CCDC171: variants seen among roughly 807,000 people sequenced by gnomAD.
CCDC171 encodes the protein coiled-coil domain containing 171.
A neutral mutation model predicts 168.2 loss-of-function variants in CCDC171; 177 were observed. That is an observed-to-expected ratio of 1.05 (90% CI 0.93 to 1.19). The LOEUF is 1.19. CCDC171 is among the 50% of genes most tolerant of loss of function. The pLI, the probability that CCDC171 is intolerant of heterozygous loss-of-function variation, is 0.00. For synonymous variants in CCDC171, 687 were observed against 540.8 expected (o/e 1.27, Z -3.75); for missense variants, 1,991 against 1,539.0 (o/e 1.29, Z -4.91).
chr9:15,597,615 T>C (rs993767788), intron 6 of CCDC171, among the ~76,000 whole-genome samples: 1 of 152,188 alleles, frequency 6.6e-6, no homozygotes, highest in Admixed American at 6.5e-5. Context: ...TCTTTTTTTG[T>C]TGTGTCTCTG....
At chr9:15,837,301 G>T (rs74489256) in intron 21 of CCDC171, among the ~76,000 whole-genome samples, 2,384 of 152,240 alleles carry the variant, frequency 0.016, 77 homozygotes, top group African/African-American at 0.054. Context: ...TAGAAGGTTA[G>T]AACAACTATG....
At chr9:16,084,826 G>A in the CCDC171 span, among the ~76,000 whole-genome samples, 220 of 152,250 alleles carry the variant, frequency 1.4e-3, 2 homozygotes, top group African/African-American at 4.4e-3. Flanking sequence ...CCAGAAGGCC[G>A]GTGAGGTAAG....
chr9:15,646,422 G>A (rs1332301913), intron 7 of CCDC171, among the ~76,000 whole-genome samples: 1 of 152,150 alleles, frequency 6.6e-6, no homozygotes, highest in Non-Finnish European at 1.5e-5. Flanking sequence ...AAATGTAAAT[G>A]GGCTAAATGC....
rs532354159 is a variant in CCDC171 at position 15,813,930 on chromosome 9, A to G, written c.3267+29236A>G. On this transcript the variant is annotated intron_variant, in intron 21 of 25. Transcript: ENST00000380701. ...ATAGGATCACTTTGTATTTGCATAT[A>G]AGGTGAAATAAGAAGAGGTCAGGAT... Among the ~76,000 whole-genome samples the G allele has an allele frequency of 2.6e-5, 4 of 152,298 alleles. No homozygotes were observed. In the South Asian group the frequency reaches 6.2e-4, roughly 24 times the overall value.
At chr9:15,743,651 G>C (rs964395632) in intron 16 of CCDC171, among the ~76,000 whole-genome samples, 1 of 152,184 alleles carries the variant, frequency 6.6e-6, no homozygotes, top group Admixed American at 6.5e-5. Context: ...GGGCTGCTGA[G>C]GCCCAGCTCA....
At chr9:16,003,658 G>A (rs1040350058) in intron 3 of CCDC171, among the ~76,000 whole-genome samples, 2 of 152,164 alleles carry the variant, frequency 1.3e-5, no homozygotes, top group South Asian at 4.1e-4. Context: ...CTTTTTCCGT[G>A]TCATTATTTG....
chr9:15,557,029 T>A (rs928775200), intron 1 of CCDC171, among the ~76,000 whole-genome samples: 9 of 152,174 alleles, frequency 5.9e-5, no homozygotes, highest in African/African-American at 2.2e-4. Context: ...TTTGTCAGGT[T>A]TGTCAAAGAT....
chr9:15,695,402 A>C, intron 11 of CCDC171, 65 bp downstream of exon 11: 1 of 1,174,868 alleles, frequency 8.5e-7, no homozygotes, highest in Non-Finnish European at 1.3e-6. Flanking sequence ...CATTTTGGGA[A>C]TTCTGCAGAT....
rs571430343 is a variant in CCDC171, at chr9:15,729,231, A to G, written c.1861-379A>G. On this transcript the variant is annotated intron_variant, in intron 15 of 25. Transcript: ENST00000380701. Reference sequence around the variant, plus strand: ...TAGAACATTCTGCTTTATTTCATGTAAACTGTTTGCAGATTTTTAAATCTT... The same window carrying G: ...TAGAACATTCTGCTTTATTTCATGTGAACTGTTTGCAGATTTTTAAATCTT... 2.0e-5 allele frequency among the ~76,000 whole-genome samples: 3 copies of G among 152,264 alleles called. No homozygotes were observed. The East Asian group carries it at 5.8e-4, about 29-fold the overall frequency.
At chr9:15,818,571 C>A (rs1255863467) in intron 21 of CCDC171, among the ~76,000 whole-genome samples, 1 of 117,718 alleles carries the variant, frequency 8.5e-6, no homozygotes, top group African/African-American at 3.2e-5. Flanking sequence ...GTAGCTGATT[C>A]GATCAACTAG....
At chr9:15,799,899 T>G (rs2058737734) in intron 21 of CCDC171, among the ~76,000 whole-genome samples, 1 of 152,180 alleles carries the variant, frequency 6.6e-6, no homozygotes, top group South Asian at 2.1e-4. Context: ...CCTGGCTTAT[T>G]TCACTTAACA....
intron 11 of CCDC171, among the ~76,000 whole-genome samples, chr9:15,701,313 G>T (rs531226012): frequency 1.3e-5 from 2 of 152,182 alleles, no homozygotes; most frequent in Admixed American, 1.3e-4. Context: ...TAAAATCTTT[G>T]CCTAGATCAG....
At chr9:15,793,878 A>G (rs992286255) in intron 21 of CCDC171, among the ~76,000 whole-genome samples, 1 of 151,982 alleles carries the variant, frequency 6.6e-6, no homozygotes, top group Non-Finnish European at 1.5e-5. Context: ...CTCTCTTGTC[A>G]TTTCTAATAT....
intron 18 of CCDC171, among the ~76,000 whole-genome samples, chr9:15,749,412 A>G (rs916825241): frequency 3.9e-5 from 6 of 152,150 alleles, no homozygotes; most frequent in Non-Finnish European, 8.8e-5. Context: ...AGACAGATCA[A>G]CGAGACAGAA....
intron 10 of CCDC171, among the ~76,000 whole-genome samples, chr9:15,691,560 A>ATATG (rs1336288766): frequency 1.4e-5 from 2 of 142,132 alleles, no homozygotes; most frequent in African/African-American, 5.4e-5. Flanking sequence ...ATATATATAT[A>ATATG]TATATATATA....
At chr9:15,564,904 A>G (rs1011218722) in intron 2 of CCDC171, among the ~76,000 whole-genome samples, 5 of 152,192 alleles carry the variant, frequency 3.3e-5, no homozygotes, top group African/African-American at 1.2e-4. Context: ...AATGCATTAA[A>G]TGTATTTTAC....
intron 6 of CCDC171, among the ~76,000 whole-genome samples, chr9:15,601,178 C>G (rs1587318044): frequency 1.3e-5 from 2 of 152,298 alleles, no homozygotes; most frequent in East Asian, 3.9e-4. Context: ...GTGAGATGAA[C>G]CCGGTACCTG....
At chr9:15,786,967 C>T (rs2057996192) in intron 21 of CCDC171, among the ~76,000 whole-genome samples, 1 of 152,136 alleles carries the variant, frequency 6.6e-6, no homozygotes, top group African/African-American at 2.4e-5. Context: ...TCTTTTTGGA[C>T]TCAGACCACT....
At chr9:15,650,901 A>G (rs1587738308) in intron 7 of CCDC171, among the ~76,000 whole-genome samples, 1 of 152,004 alleles carries the variant, frequency 6.6e-6, no homozygotes, top group Non-Finnish European at 1.5e-5. Flanking sequence ...AAAATATACA[A>G]TACATTGTTG....
Sources: allele counts gnomAD v4.1 joint callset (sites outside exome capture counted in the v4.1 genomes callset), GRCh38; gene constraint gnomAD v4.1.1; transcripts MANE v1.5; gene names NCBI Gene and HGNC (gene_info 2026-07-23, HGNC 2026-07-21).